Variants in PKP4 observed in about 807,000 individuals in gnomAD.
PKP4 encodes the protein plakophilin-4.
In PKP4, 90 loss-of-function variants were observed where a neutral mutation model predicts 145.1. That is an observed-to-expected ratio of 0.62 (90% confidence interval 0.52 to 0.74). PKP4 has a LOEUF of 0.74. Among genes scored for constraint, PKP4 ranks in the 30% least tolerant of loss-of-function variants. PKP4 has a pLI of 0.00. For missense variants in PKP4, 1,340 were observed against 1,482.7 expected (o/e 0.90, Z 1.58); for synonymous variants, 563 against 577.2 (o/e 0.98, Z 0.35).
intron 1 of PKP4, among the ~76,000 whole-genome samples, chr2:158,472,576 G>A (rs1056358597): frequency 1.5e-5 from 2 of 131,280 alleles, no homozygotes; most frequent in African/African-American, 3.0e-5. Context: ...TCAAGCCACT[G>A]CACTCCAGCC....
At chr2:158,626,950 A>G (rs968680044) in intron 7 of PKP4, among the ~76,000 whole-genome samples, 3 of 152,146 alleles carry the variant, frequency 2.0e-5, no homozygotes, top group South Asian at 2.1e-4. Context: ...TTTAATTTAC[A>G]AAACTGTTTA....
intron 6 of PKP4, 109 bp from the exon 7 acceptor site, chr2:158,624,769 A>G (rs1700712306): frequency 2.5e-6 from 2 of 797,270 alleles, no homozygotes; most frequent in South Asian, 5.8e-5. Flanking sequence ...TTAGATGCCT[A>G]AAATAGTGGA....
At chr2:158,646,790 T>TA (rs1041228766) in intron 11 of PKP4, among the ~76,000 whole-genome samples, 5 of 152,148 alleles carry the variant, frequency 3.3e-5, no homozygotes, top group Non-Finnish European at 4.4e-5. Flanking sequence ...GAATCTCCTG[T>TA]ACAGTTTCCA....
chr2:158,598,628 G>A (rs150185003), intron 3 of PKP4, among the ~76,000 whole-genome samples: 1,646 of 152,222 alleles, frequency 0.011, 31 homozygotes, highest in African/African-American at 0.037. Context: ...AATTAGCCGG[G>A]CATGGTAGCG....
intron 1 of PKP4, among the ~76,000 whole-genome samples, chr2:158,490,666 T>C (rs1437247197): frequency 2.0e-5 from 3 of 152,258 alleles, no homozygotes; most frequent in Non-Finnish European, 4.4e-5. Context: ...ATTTTAAACA[T>C]TGATTTAATC....
rs528203738 is a variant in PKP4 at position 158,614,811 on chromosome 2, G to T, written c.281-6179G>T. Among the ~76,000 whole-genome samples, 3 of 152,142 alleles carry T rather than the reference G, an allele frequency of 2.0e-5. No homozygotes were observed. In the East Asian group the frequency reaches 5.8e-4, roughly 29 times the overall value. ...CTTTTAGTGATATGTGAAGAAATGT[G>T]CTACTATCTAAAATAAAATAGAAAT... is the stretch of plus-strand genomic sequence containing the variant. On this transcript the variant is annotated intron_variant, in intron 4 of 21. Transcript: ENST00000389759.
chr2:158,571,703 A>C (rs899256924), intron 2 of PKP4, among the ~76,000 whole-genome samples: 3 of 152,196 alleles, frequency 2.0e-5, no homozygotes, highest in Non-Finnish European at 4.4e-5. Context: ...CACAGGGCAC[A>C]GTTGGAAAGG....
chr2:158,643,911 A>G (rs1259958316), intron 11 of PKP4, among the ~76,000 whole-genome samples: 62 of 152,006 alleles, frequency 4.1e-4, no homozygotes, highest in Non-Finnish European at 5.9e-5. Context: ...GATTACACAC[A>G]CGCGCCACCA....
chr2:158,636,909 TCTTTGACA>T (rs1365168607), intron 9 of PKP4, among the ~76,000 whole-genome samples: 1 of 152,208 alleles, frequency 6.6e-6, no homozygotes, highest in Non-Finnish European at 1.5e-5. Context: ...TTTCTTTAAG[TCTTTGACA>T]CATTTATCAT....
intron 4 of PKP4, among the ~76,000 whole-genome samples, chr2:158,619,709 C>T (rs1369578458): frequency 6.6e-6 from 1 of 152,174 alleles, no homozygotes. Flanking sequence ...GCTTGTTCAA[C>T]AAATATTTAC....
chr2:158,579,930 G>A (rs1264023033), intron 3 of PKP4, among the ~76,000 whole-genome samples: 1 of 152,056 alleles, frequency 6.6e-6, no homozygotes, highest in African/African-American at 2.4e-5. Flanking sequence ...GTTTGTCAGT[G>A]TGTGCATGTG....
intron 1 of PKP4, among the ~76,000 whole-genome samples, chr2:158,511,782 T>C (rs2041541153): frequency 6.6e-6 from 1 of 152,182 alleles, no homozygotes; most frequent in Non-Finnish European, 1.5e-5. Flanking sequence ...TACCTTCCTC[T>C]GACTATGAAA....
At chr2:158,469,205 TCAG>T (rs1219074923) in intron 1 of PKP4, among the ~76,000 whole-genome samples, 1 of 152,034 alleles carries the variant, frequency 6.6e-6, no homozygotes, top group Admixed American at 6.6e-5. Flanking sequence ...TTCTCCTGTC[TCAG>T]CCCCCCGAGT....
chr2:158,560,670 T>TA (rs992778009), intron 2 of PKP4, among the ~76,000 whole-genome samples: 1 of 152,140 alleles, frequency 6.6e-6, no homozygotes, highest in Non-Finnish European at 1.5e-5. Context: ...CGTGGTATAT[T>TA]AAAAAAATAA....
chr2:158,463,569 A>G (rs760704276), intron 1 of PKP4, among the ~76,000 whole-genome samples: 13 of 152,196 alleles, frequency 8.5e-5, no homozygotes, highest in Admixed American at 3.9e-4. Flanking sequence ...TGGCTTTGCC[A>G]CTATGCAGGT....
chr2:158,545,839 T>C (rs1048088243), intron 2 of PKP4, among the ~76,000 whole-genome samples: 8 of 152,220 alleles, frequency 5.3e-5, no homozygotes, highest in African/African-American at 1.7e-4. Context: ...TGTTATGTAA[T>C]TTCTAAGACT....
intron 2 of PKP4, among the ~76,000 whole-genome samples, chr2:158,547,794 A>C (rs549090189): frequency 3.9e-4 from 60 of 152,348 alleles, no homozygotes; most frequent in Admixed American, 1.4e-3. Flanking sequence ...CTGTTTTACA[A>C]AACTCCAGTA....
At chr2:158,515,447 C>T (rs1329850637) in intron 1 of PKP4, among the ~76,000 whole-genome samples, 4 of 151,806 alleles carry the variant, frequency 2.6e-5, no homozygotes, top group Non-Finnish European at 4.4e-5. Context: ...ATAGCAAGAT[C>T]CTATCTCTTG....
intron 1 of PKP4, among the ~76,000 whole-genome samples, chr2:158,481,956 T>C: frequency 6.6e-6 from 1 of 152,230 alleles, no homozygotes; most frequent in East Asian, 1.9e-4. Context: ...TTAAAAACTG[T>C]TGTAATGTTA....
Sources: allele counts gnomAD v4.1 joint callset (sites outside exome capture counted in the v4.1 genomes callset), GRCh38; gene constraint gnomAD v4.1.1; transcripts MANE v1.5; gene names NCBI Gene and HGNC (gene_info 2026-07-23, HGNC 2026-07-21).